The following MAST4 variants were observed in gnomAD, a reference collection of about 807,000 sequenced individuals.
The protein encoded by MAST4 is microtubule-associated serine/threonine-protein kinase 4.
A neutral mutation model predicts 162.7 loss-of-function variants in MAST4; 89 were observed. The observed-to-expected ratio is 0.55, with a 90% CI of 0.46 to 0.65. The LOEUF is 0.65. MAST4 is among the 30% of genes least tolerant of loss of function. The pLI, the probability that MAST4 is intolerant of heterozygous loss-of-function variation, is 0.00. For synonymous variants in MAST4, 1,479 were observed against 1,361.1 expected (o/e 1.09, Z -1.91); for missense variants, 3,153 against 3,374.0 (o/e 0.93, Z 1.62).
At chr5:66,888,149 A>G (rs1477517016) in intron 3 of MAST4, among the ~76,000 whole-genome samples, 3 of 152,220 alleles carry the variant, frequency 2.0e-5, no homozygotes, top group African/African-American at 4.8e-5. Flanking sequence ...TATATCTTCT[A>G]TAAGCTAATT....
chr5:66,599,487 G>GC (rs1742418344), intron 1 of MAST4, among the ~76,000 whole-genome samples: 1 of 152,174 alleles, frequency 6.6e-6, no homozygotes, highest in South Asian at 2.1e-4. Context: ...GGGAATAATA[G>GC]CATTAGAGTT....
intron 5 of MAST4, among the ~76,000 whole-genome samples, chr5:67,078,092 T>C (rs1761894640): frequency 6.6e-6 from 1 of 151,988 alleles, no homozygotes; most frequent in Admixed American, 6.6e-5. Context: ...AGGGCAAAAC[T>C]CTTCTCTCAA....
At chr5:66,971,160 T>A (rs1417627810) in intron 4 of MAST4, among the ~76,000 whole-genome samples, 1 of 152,220 alleles carries the variant, frequency 6.6e-6, no homozygotes, top group East Asian at 1.9e-4. Context: ...GGAGCTTTCT[T>A]GCTTGGTTCC....
intron 4 of MAST4, among the ~76,000 whole-genome samples, chr5:66,996,829 T>C (rs1750703498): frequency 6.6e-6 from 1 of 152,220 alleles, no homozygotes; most frequent in African/African-American, 2.4e-5. Context: ...ACTCCTCATC[T>C]CAAGATTCTT....
chr5:67,087,713 A>G (rs1482475225), intron 5 of MAST4, among the ~76,000 whole-genome samples: 1 of 152,250 alleles, frequency 6.6e-6, no homozygotes, highest in Non-Finnish European at 1.5e-5. Flanking sequence ...TAAGAGCCTT[A>G]ATGATAATTC....
intron 1 of MAST4, among the ~76,000 whole-genome samples, chr5:66,620,047 C>CT (rs200969306): frequency 0.054 from 7,217 of 133,632 alleles, 218 homozygotes; most frequent in Admixed American, 0.1. Flanking sequence ...ACTTAGGTTG[C>CT]TTTTTTTTTT....
chr5:67,104,969 C>T (rs765445051), intron 10 of MAST4, among the ~76,000 whole-genome samples: 3 of 152,202 alleles, frequency 2.0e-5, no homozygotes. Flanking sequence ...TTGCTGGCTT[C>T]TTCCAGGCTG....
intron 1 of MAST4, chr5:66,623,213 T>A (rs149693604): frequency 1.1e-4 from 16 of 152,326 alleles, no homozygotes; most frequent in African/African-American, 3.8e-4. Context: ...ATAAGAACCA[T>A]GGTTCAAAAA....
chr5:67,152,246 T>TA (rs972763248), intron 24 of MAST4, among the ~76,000 whole-genome samples: 2 of 152,242 alleles, frequency 1.3e-5, no homozygotes, highest in African/African-American at 4.8e-5. Context: ...CATGAAGACA[T>TA]ACTTGAAATA....
At chr5:67,090,128 A>G in intron 5 of MAST4, 34 bp from the exon 6 acceptor site, 2 of 1,399,162 alleles carry the variant, frequency 1.4e-6, no homozygotes, top group South Asian at 1.2e-5. Context: ...ACACAAAATC[A>G]TGTAGTAAAT....
chr5:66,826,917 C>G (rs902200794), intron 3 of MAST4, among the ~76,000 whole-genome samples: 5 of 152,168 alleles, frequency 3.3e-5, no homozygotes, highest in Admixed American at 2.6e-4. Context: ...TTTCTGTGCT[C>G]CTCTCTCAGG....
At chr5:66,714,453 T>A (rs1750691249) in intron 1 of MAST4, among the ~76,000 whole-genome samples, 1 of 152,184 alleles carries the variant, frequency 6.6e-6, no homozygotes, top group Admixed American at 6.5e-5. Flanking sequence ...GAAGATAACA[T>A]TGAGCACCTC....
intron 4 of MAST4, among the ~76,000 whole-genome samples, chr5:66,947,977 A>C (rs1012843690): frequency 6.6e-6 from 1 of 152,114 alleles, no homozygotes; most frequent in African/African-American, 2.4e-5. Flanking sequence ...GCAAAATACA[A>C]AGGAAAATAG....
At chr5:67,037,194 A>G (rs1756128925) in intron 4 of MAST4, among the ~76,000 whole-genome samples, 1 of 152,144 alleles carries the variant, frequency 6.6e-6, no homozygotes. Flanking sequence ...CAGGTGTTCA[A>G]GACCATCCAG....
intron 3 of MAST4, among the ~76,000 whole-genome samples, chr5:66,826,611 C>CA (rs1294725339): frequency 3.9e-5 from 6 of 152,126 alleles, no homozygotes; most frequent in African/African-American, 1.2e-4. Context: ...ACCACCCCCC[C>CA]CAATCCCCCG....
chr5:66,989,031 A>T (rs1225031274), intron 4 of MAST4, among the ~76,000 whole-genome samples: 3 of 152,216 alleles, frequency 2.0e-5, no homozygotes, highest in Non-Finnish European at 4.4e-5. Flanking sequence ...TTTGTACTTC[A>T]TGAGAATTCC....
At chr5:66,969,665 A>G (rs1277244473) in intron 4 of MAST4, among the ~76,000 whole-genome samples, 3 of 152,042 alleles carry the variant, frequency 2.0e-5, no homozygotes, top group Non-Finnish European at 4.4e-5. Flanking sequence ...CCCTCACTTC[A>G]CTTGTTGCCA....
At chr5:66,930,278 T>A (rs1304718026) in intron 4 of MAST4, among the ~76,000 whole-genome samples, 2 of 152,224 alleles carry the variant, frequency 1.3e-5, no homozygotes, top group South Asian at 2.1e-4. Flanking sequence ...TACCTCACAT[T>A]GAGTTACAGC....
chr5:66,710,067 C>G (rs1484355164), intron 1 of MAST4, among the ~76,000 whole-genome samples: 1 of 152,186 alleles, frequency 6.6e-6, no homozygotes, highest in Non-Finnish European at 1.5e-5. Flanking sequence ...TTGCTGAAGT[C>G]GGCCCTTGCC....
Sources: gnomAD v4.1 joint callset for allele counts (sites outside exome capture counted in the v4.1 genomes callset) on GRCh38, gnomAD v4.1.1 for gene constraint, MANE v1.5 for transcripts, NCBI Gene and HGNC (gene_info 2026-07-23, HGNC 2026-07-21) for gene names.